The following PPIL6 variants were observed in gnomAD, a reference collection of about 807,000 sequenced individuals.
The protein encoded by PPIL6 is peptidylprolyl isomerase like 6.
Under a neutral mutation model 36.8 loss-of-function variants are expected in PPIL6, and 39 were observed. That is an observed-to-expected ratio of 1.06 (90% CI 0.82 to 1.38). The LOEUF (loss-of-function observed/expected upper bound fraction) is 1.38, where lower values mean the gene tolerates loss of function less well. PPIL6 is among the 40% of genes most tolerant of loss of function. The probability of loss-of-function intolerance (pLI) is 0.00; values close to 1 mark genes in which losing one functional copy is unlikely to be tolerated. For missense variants in PPIL6, 368 were observed against 379.1 expected, an observed-to-expected ratio of 0.97 and a Z score of 0.24; for synonymous variants, 123 against 134.1, an observed-to-expected ratio of 0.92 and a Z score of 0.57.
In PPIL6 at chr6:109,400,188, CA is replaced by C. The variant is rs758807583; in HGVS notation, c.689-19del. 6.3e-7 allele frequency: 1 copy of C among 1,599,314 alleles called. No individual in the cohort carries two copies. Among genetic ancestry groups the C allele is most frequent in the East Asian group, 2.2e-5 (1 of 44,678 alleles). ...GTTTTCATCTAGGAAAGACAATAAT[CA>C]GTAGGTCATTAGCACATTTCTATTA... On this transcript the variant is annotated intron_variant, in intron 6 of 7. Transcript: ENST00000521072.
At chr6:109,432,617 A>G (rs974560250) in intron 2 of PPIL6, among the ~76,000 whole-genome samples, 3 of 152,180 alleles carry the variant, frequency 2.0e-5, no homozygotes, top group Admixed American at 2.0e-4. Context: ...ATGGTGCCTG[A>G]GAATTTGCAT....
intron 6 of PPIL6, among the ~76,000 whole-genome samples, chr6:109,416,450 G>A (rs1367921268): frequency 1.3e-5 from 2 of 150,536 alleles, no homozygotes; most frequent in Non-Finnish European, 1.5e-5. Context: ...TGATCCACCC[G>A]CCTCAGCCTC....
intron 3 of PPIL6, among the ~76,000 whole-genome samples, chr6:109,430,628 T>C (rs1439997996): frequency 6.6e-6 from 1 of 152,218 alleles, no homozygotes; most frequent in Non-Finnish European, 1.5e-5. Context: ...CGTTTCACCG[T>C]GTTGGCCAGG....
chr6:109,395,084 T>C (rs532351888), intron 7 of PPIL6, among the ~76,000 whole-genome samples: 1 of 152,300 alleles, frequency 6.6e-6, no homozygotes, highest in East Asian at 1.9e-4. Flanking sequence ...CCAATATGGA[T>C]GCCACTAGCT....
chr6:109,407,007 C>A (rs1265460822), intron 6 of PPIL6, among the ~76,000 whole-genome samples: 1 of 152,150 alleles, frequency 6.6e-6, no homozygotes, highest in Non-Finnish European at 1.5e-5. Flanking sequence ...ACATGAGGTT[C>A]CAGGCTCATT....
chr6:109,421,257 C>T (rs9885646), intron 5 of PPIL6, among the ~76,000 whole-genome samples: 66,801 of 152,162 alleles, frequency 0.44, 15,451 homozygotes, highest in African/African-American at 0.61. Flanking sequence ...GCCATATCCA[C>T]CCTCTTGAAT....
Position 109,392,568 on chromosome 6 carries a change from C to T in PPIL6, c.*258G>A. 3 of 372,820 alleles carry T rather than the reference C, an allele frequency of 8.0e-6. No homozygotes were observed. In the South Asian group the frequency reaches 1.6e-4, roughly 19 times the overall value. The allele number at this position is 372,820 out of a possible 1,614,324, so 23.1% of individuals were successfully genotyped here. A position where few individuals can be genotyped will look rare whatever the true frequency, so the allele number is the denominator to read the frequency against. On this transcript the variant is annotated 3_prime_UTR_variant, in exon 8 of 8. Transcript: ENST00000521072. Reference sequence around the variant, plus strand: ...GGGGCAGGACCACTGGCGTTCTATTCCTGTCCCACTGGCCAGAACCATCTC... The same window carrying T: ...GGGGCAGGACCACTGGCGTTCTATTTCTGTCCCACTGGCCAGAACCATCTC...
chr6:109,430,149 A>G (rs977379855), intron 3 of PPIL6, among the ~76,000 whole-genome samples: 2 of 152,244 alleles, frequency 1.3e-5, no homozygotes, highest in African/African-American at 4.8e-5. Flanking sequence ...TTCAACAAGG[A>G]TGAATGAGAC....
chr6:109,417,137 T>G (rs933129026), intron 6 of PPIL6, among the ~76,000 whole-genome samples: 3 of 151,078 alleles, frequency 2.0e-5, no homozygotes, highest in Admixed American at 6.6e-5. Flanking sequence ...GCCATTGCAC[T>G]TTAGCCTGGA....
chr6:109,438,941 T>C (rs1292310138), intron 1 of PPIL6, among the ~76,000 whole-genome samples: 1 of 152,238 alleles, frequency 6.6e-6, no homozygotes, highest in East Asian at 1.9e-4. Context: ...GTGAAAATTA[T>C]ACGCAAGTCA....
At chr6:109,399,043 A>C (rs1772413080) in intron 7 of PPIL6, among the ~76,000 whole-genome samples, 1 of 151,304 alleles carries the variant, frequency 6.6e-6, no homozygotes, top group Non-Finnish European at 1.5e-5. Context: ...CTCCCACCGA[A>C]ACTTCTTCAG....
chr6:109,402,808 G>T (rs1772615907), intron 6 of PPIL6, among the ~76,000 whole-genome samples: 1 of 151,902 alleles, frequency 6.6e-6, no homozygotes, highest in Non-Finnish European at 1.5e-5. Context: ...TTCCAGCCAG[G>T]CAGTAATGCC....
intron 5 of PPIL6, among the ~76,000 whole-genome samples, chr6:109,421,868 G>A (rs1299867183): frequency 6.6e-6 from 1 of 151,890 alleles, no homozygotes; most frequent in Non-Finnish European, 1.5e-5. Flanking sequence ...GTGAGACTCT[G>A]TCTCTACAAA....
intron 7 of PPIL6, 76 bp downstream of exon 7, chr6:109,399,959 A>G: frequency 1.6e-6 from 2 of 1,281,716 alleles, no homozygotes; most frequent in Non-Finnish European, 2.2e-6. Context: ...CACTATATAC[A>G]ATACTTATCC....
intron 3 of PPIL6, among the ~76,000 whole-genome samples, chr6:109,429,638 G>T (rs1195708653): frequency 1.3e-5 from 2 of 152,128 alleles, no homozygotes; most frequent in Admixed American, 1.3e-4. Context: ...AGGGAGTGAT[G>T]AAAAGACACT....
intron 2 of PPIL6, among the ~76,000 whole-genome samples, chr6:109,434,514 A>G (rs1774340943): frequency 6.6e-6 from 1 of 152,194 alleles, no homozygotes; most frequent in Non-Finnish European, 1.5e-5. Context: ...TTTGAATTCC[A>G]ATGAGAATCT....
chr6:109,417,880 C>T (rs982574702), intron 6 of PPIL6, among the ~76,000 whole-genome samples: 4 of 152,202 alleles, frequency 2.6e-5, no homozygotes, highest in African/African-American at 9.6e-5. Context: ...CCCAATTTTC[C>T]TTTAAAACCC....
In PPIL6 at chr6:109,410,576, C is replaced by T. The variant is rs188588423; in HGVS notation, c.688+8611G>A. Among the ~76,000 whole-genome samples the T allele has an allele frequency of 2.6e-3, 396 of 152,230 alleles. 4 individuals carry two copies. Among genetic ancestry groups the T allele is most frequent in the Middle Eastern group, 6.8e-3 (2 of 294 alleles). ...TTGAATGGAACTCTCCCCCACTTAA[C>T]GGATTCCACTTGAACCCCCTGCCAA... On this transcript the variant is annotated intron_variant, in intron 6 of 7. Transcript: ENST00000521072.
At chr6:109,403,257 T>C (rs1772639710) in intron 6 of PPIL6, 1 of 435,366 alleles carries the variant, frequency 2.3e-6, no homozygotes. Flanking sequence ...AGGTGTGTGC[T>C]ACCACACCTG....
Sources: allele counts gnomAD v4.1 joint callset (sites outside exome capture counted in the v4.1 genomes callset), GRCh38; gene constraint gnomAD v4.1.1; transcripts MANE v1.5; gene names NCBI Gene and HGNC (gene_info 2026-07-23, HGNC 2026-07-21).